Variants in ESRRG observed in about 807,000 individuals in gnomAD.
The protein encoded by ESRRG is estrogen related receptor gamma, also known as estrogen-related receptor gamma.
A neutral mutation model predicts 44.0 loss-of-function variants in ESRRG; 13 were observed. The observed-to-expected ratio is 0.30, with a 90% CI of 0.19 to 0.47. The LOEUF (loss-of-function observed/expected upper bound fraction) is 0.47, where lower values mean the gene tolerates loss of function less well. Ranked by LOEUF, ESRRG falls within the 20% of genes least tolerant of loss-of-function variation. The pLI, the probability that ESRRG is intolerant of heterozygous loss-of-function variation, is 1.00. For missense variants in ESRRG, 395 were observed against 580.6 expected, an observed-to-expected ratio of 0.68 and a Z score of 3.29; for synonymous variants, 215 against 214.6, an observed-to-expected ratio of 1.00 and a Z score of -0.02.
At chr1:217,080,671 GTTTTTTT>G (rs34598045) in intron 1 of ESRRG, among the ~76,000 whole-genome samples, 4 of 65,246 alleles carry the variant, frequency 6.1e-5, no homozygotes, top group South Asian at 8.1e-4. Context: ...TGTTTTTTTG[GTTTTTTT>G]TTTTTTTTTT....
At chr1:216,691,990 T>C (rs1314613848) in intron 1 of ESRRG, among the ~76,000 whole-genome samples, 3 of 152,234 alleles carry the variant, frequency 2.0e-5, no homozygotes, top group Non-Finnish European at 4.4e-5. Flanking sequence ...TATAAAAGTA[T>C]AGCACATATA....
At chr1:216,773,114 T>C (rs186545516) in intron 2 of ESRRG, among the ~76,000 whole-genome samples, 1 of 152,100 alleles carries the variant, frequency 6.6e-6, no homozygotes, top group Admixed American at 6.6e-5. Context: ...ATGAAAGAAA[T>C]CTTAACCAAA....
At chr1:216,519,057 C>CA (rs2045269571) in intron 6 of ESRRG, 95 bp downstream of exon 6, 2 of 1,147,152 alleles carry the variant, frequency 1.7e-6, no homozygotes, top group Admixed American at 4.8e-5. Context: ...ACAAAATTTA[C>CA]AAACCAGGTC....
chr1:216,981,086 A>T (rs2073892858), intron 1 of ESRRG, among the ~76,000 whole-genome samples: 1 of 152,196 alleles, frequency 6.6e-6, no homozygotes, highest in Non-Finnish European at 1.5e-5. Context: ...GAGTACATGA[A>T]GCAATATCCA....
In ESRRG at chr1:217,026,059, A is replaced by G. The variant is rs1314482236; in HGVS notation, c.-106+63448T>C. Among the ~76,000 whole-genome samples the G allele has an allele frequency of 2.6e-5, 4 of 152,320 alleles. No individual in the cohort carries two copies. In the East Asian group the frequency reaches 7.7e-4, roughly 29 times the overall value. On this transcript the variant is annotated intron_variant, in intron 1 of 7. Transcript: ENST00000359162. Reference sequence around the variant, plus strand: ...ACCTTTGCCCCACTTTTATCCACTGAGGTCACCCGTGCATGGTGACTTAAC... The same window carrying G: ...ACCTTTGCCCCACTTTTATCCACTGGGGTCACCCGTGCATGGTGACTTAAC...
intron 2 of ESRRG, among the ~76,000 whole-genome samples, chr1:216,813,882 A>ATAG (rs1250921366): frequency 6.6e-6 from 1 of 152,224 alleles, no homozygotes; most frequent in African/African-American, 2.4e-5. Context: ...AATTTGAGGA[A>ATAG]TAGTATCTCA....
At chr1:217,119,056 C>T (rs951170128) in intron 1 of ESRRG, among the ~76,000 whole-genome samples, 8 of 151,742 alleles carry the variant, frequency 5.3e-5, no homozygotes, top group Admixed American at 5.3e-4. Flanking sequence ...GATAGAGACA[C>T]AGATACAGAT....
At chr1:216,738,301 A>G (rs1189349358) in intron 2 of ESRRG, among the ~76,000 whole-genome samples, 1 of 152,174 alleles carries the variant, frequency 6.6e-6, no homozygotes. Context: ...TAGTGACACA[A>G]TGCTGAGAAA....
At chr1:216,700,124 C>T (rs1177365442) in intron 1 of ESRRG, among the ~76,000 whole-genome samples, 1 of 147,156 alleles carries the variant, frequency 6.8e-6, no homozygotes, top group African/African-American at 2.5e-5. Flanking sequence ...AGCCCCGCAC[C>T]TTTTTTTTTT....
Position 216,963,643 on chromosome 1 carries a change from A to G in ESRRG, c.-105-23970T>C, listed in dbSNP as rs533443549. Among the ~76,000 whole-genome samples the G allele has an allele frequency of 5.3e-5, 8 of 152,206 alleles. No homozygotes were observed. The South Asian group carries it at 1.7e-3, about 32-fold the overall frequency. ...AATCTATACAAAATAATTTGATGAC[A>G]TTTTGCCAAATATTAAGCCACGCAG... is the stretch of plus-strand genomic sequence containing the variant. On this transcript the variant is annotated intron_variant, in intron 1 of 7. Coordinates refer to the ESRRG transcript ENST00000359162.
At chr1:216,597,046 T>C (rs1399782692) in intron 3 of ESRRG, among the ~76,000 whole-genome samples, 1 of 152,170 alleles carries the variant, frequency 6.6e-6, no homozygotes, top group Non-Finnish European at 1.5e-5. Context: ...TATCCAATAA[T>C]AATAATAACA....
chr1:216,881,906 A>C (rs1157925529), intron 2 of ESRRG, among the ~76,000 whole-genome samples: 1 of 152,102 alleles, frequency 6.6e-6, no homozygotes, highest in Non-Finnish European at 1.5e-5. Context: ...ATGTTTTCAA[A>C]GTACAGAATT....
At chr1:216,541,825 A>G (rs2052887572) in intron 5 of ESRRG, among the ~76,000 whole-genome samples, 1 of 151,932 alleles carries the variant, frequency 6.6e-6, no homozygotes, top group Non-Finnish European at 1.5e-5. Context: ...TTTCTCAGAT[A>G]GTCCATTTAC....
At chr1:217,055,459 GA>G (rs2086888989) in intron 1 of ESRRG, among the ~76,000 whole-genome samples, 1 of 152,006 alleles carries the variant, frequency 6.6e-6, no homozygotes, top group Non-Finnish European at 1.5e-5. Context: ...GGTTGGGCAG[GA>G]AAAAAACTGC....
At chr1:217,111,665 A>G (rs1250990816) in intron 1 of ESRRG, among the ~76,000 whole-genome samples, 1 of 152,106 alleles carries the variant, frequency 6.6e-6, no homozygotes, top group Non-Finnish European at 1.5e-5. Flanking sequence ...CTGTGAAACC[A>G]CAGAGGCTCC....
At chr1:217,013,604 C>G (rs920783769) in intron 1 of ESRRG, among the ~76,000 whole-genome samples, 3 of 152,194 alleles carry the variant, frequency 2.0e-5, no homozygotes, top group African/African-American at 7.2e-5. Context: ...AGACCTATCA[C>G]TTACCCCTGA....
At chr1:216,582,083 A>G (rs2149823261) in intron 3 of ESRRG, among the ~76,000 whole-genome samples, 1 of 152,356 alleles carries the variant, frequency 6.6e-6, no homozygotes, top group African/African-American at 2.4e-5. Flanking sequence ...TTACCTAACT[A>G]TTTAAGTTGT....
At chr1:216,594,636 G>GT (rs2058177391) in intron 3 of ESRRG, among the ~76,000 whole-genome samples, 1 of 152,286 alleles carries the variant, frequency 6.6e-6, no homozygotes, top group African/African-American at 2.4e-5. Context: ...AATGGTTTGA[G>GT]TTTGAATCAC....
At chr1:217,101,801 T>A (rs923487966) in intron 1 of ESRRG, among the ~76,000 whole-genome samples, 4 of 152,176 alleles carry the variant, frequency 2.6e-5, no homozygotes, top group African/African-American at 9.6e-5. Flanking sequence ...TATTTTTTTT[T>A]TTATTTTATT....
Sources: allele counts gnomAD v4.1 joint callset (sites outside exome capture counted in the v4.1 genomes callset), GRCh38; gene constraint gnomAD v4.1.1; transcripts MANE v1.5; gene names NCBI Gene and HGNC (gene_info 2026-07-23, HGNC 2026-07-21).